CACNA2D4: variants seen among roughly 807,000 people sequenced by gnomAD.
CACNA2D4 encodes the protein calcium voltage-gated channel auxiliary subunit alpha2delta 4.
A neutral mutation model predicts 163.8 loss-of-function variants in CACNA2D4; 157 were observed. That is an observed-to-expected ratio of 0.96 (90% CI 0.84 to 1.09). The LOEUF (loss-of-function observed/expected upper bound fraction) is 1.09, where lower values mean the gene tolerates loss of function less well. Ranked by LOEUF, CACNA2D4 falls within the 50% of genes least tolerant of loss-of-function variation. The pLI is 0.00. For synonymous variants in CACNA2D4, 598 were observed against 586.9 expected (o/e 1.02, Z -0.27); for missense variants, 1,410 against 1,479.9 (o/e 0.95, Z 0.78).
chr12:1,801,138 T>A lies in CACNA2D4; in HGVS notation c.2793-20A>T, dbSNP rs776161198. On this transcript the variant is annotated intron_variant, in intron 30 of 37. Transcript: ENST00000382722. ...GTCACTCTGAAAATCAGAAGCGGGC[T>A]GTGATGAGTCCAAAGCCACCCCCAC... The A allele has an allele frequency of 6.2e-7, 1 of 1,611,238 alleles. No homozygotes were observed. Among genetic ancestry groups the A allele is most frequent in the Non-Finnish European group, 8.5e-7 (1 of 1,177,400 alleles).
In CACNA2D4 at chr12:1,801,513, T is replaced by G. The variant is rs1334268331; in HGVS notation, c.2792+61A>C. 3 of 1,330,060 alleles carry G rather than the reference T, an allele frequency of 2.3e-6. No homozygotes were observed. The African/African-American group carries it at 4.4e-5, about 19-fold the overall frequency. The allele number at this position is 1,330,060 out of a possible 1,614,324, so 82.4% of individuals were successfully genotyped here. On this transcript the variant is annotated intron_variant, in intron 30 of 37. Coordinates refer to ENST00000382722, the MANE Select transcript of CACNA2D4 (RefSeq NM_172364.5). Reference sequence around the variant, plus strand: ...GGATCCTGAGATCCGCCAGGACCACTTAGCGTCAGCTCTCGGTTTGCTGTG... The same window carrying G: ...GGATCCTGAGATCCGCCAGGACCACGTAGCGTCAGCTCTCGGTTTGCTGTG...
rs1863040734 is a variant in CACNA2D4, at chr12:1,793,843, C to T, written c.3310-84G>A. On this transcript the variant is annotated intron_variant, in intron 37 of 37. Transcript: ENST00000382722. ...AGGGGCTTCCACCACTAATTTGGGCCAAAATCCTGGGGAAAGGGGAGTTTT... is the reference window on the plus strand; with the variant it reads ...AGGGGCTTCCACCACTAATTTGGGCTAAAATCCTGGGGAAAGGGGAGTTTT... 22 of 1,143,406 alleles carry T rather than the reference C, an allele frequency of 1.9e-5. No individual in the cohort carries two copies. The South Asian group carries it at 2.9e-4, about 15-fold the overall frequency. The allele number at this position is 1,143,406 out of a possible 1,614,324, so 70.8% of individuals were successfully genotyped here. A position where few individuals can be genotyped will look rare whatever the true frequency, so the allele number is the denominator to read the frequency against.
rs1388661372 is a variant in CACNA2D4, at chr12:1,828,196, G to A, written c.2551+12543C>T. On this transcript the variant is annotated intron_variant, in intron 26 of 37. Coordinates refer to ENST00000382722, the MANE Select transcript of CACNA2D4 (RefSeq NM_172364.5). The surrounding 1 kb of genome is among the most constrained non-coding windows in gnomAD (Gnocchi z 4.2). ...CTGGGCAGAGGGGCAGGCTCGCCCT[G>A]CAGTGGAGGCAAGTCTCCTGTGAGT... 3 of 1,546,816 alleles carry A rather than the reference G, an allele frequency of 1.9e-6. No homozygotes were observed. In the Admixed American group the frequency reaches 5.9e-5, roughly 31 times the overall value.
chr12:1,798,877 C>A lies in CACNA2D4; in HGVS notation c.2995+798G>T, dbSNP rs1196195716. Among the ~76,000 whole-genome samples, 2 of 152,170 alleles carry A rather than the reference C, an allele frequency of 1.3e-5. No homozygotes were observed. Among genetic ancestry groups the A allele is most frequent in the Non-Finnish European group, 2.9e-5 (2 of 68,026 alleles). ...GCCCCACCCGATCGCGGATGTGAGT[C>A]CAGAAGGAGTCTGGAGACACAGCCC... On this transcript the variant is annotated intron_variant, in intron 34 of 37. Transcript: ENST00000382722. This position sits in a 1 kb window ranked among gnomAD's most constrained non-coding sequence, Gnocchi z 4.3.
intron 18 of CACNA2D4, among the ~76,000 whole-genome samples, chr12:1,873,672 T>C (rs1277595537): frequency 6.6e-6 from 1 of 152,190 alleles, no homozygotes; most frequent in Non-Finnish European, 1.5e-5. Flanking sequence ...GGTGGGTGCC[T>C]GTGGAAGAAG....
intron 32 of CACNA2D4, 53 bp downstream of exon 32, chr12:1,800,333 T>C: frequency 6.3e-7 from 1 of 1,591,984 alleles, no homozygotes; most frequent in Non-Finnish European, 8.6e-7. Flanking sequence ...GACACCCTCC[T>C]AAGCCACCCT....
chr12:1,841,866 A>G (rs896712559), intron 25 of CACNA2D4, among the ~76,000 whole-genome samples: 1 of 152,190 alleles, frequency 6.6e-6, no homozygotes, highest in African/African-American at 2.4e-5. Context: ...CAAGAAACCT[A>G]AAACTGCAGT....
intron 9 of CACNA2D4, 74 bp downstream of exon 9, chr12:1,885,891 G>T: frequency 9.3e-7 from 1 of 1,076,056 alleles, no homozygotes; most frequent in Non-Finnish European, 1.4e-6. Flanking sequence ...CACAGAAACA[G>T]TCTACAGAGA....
intron 23 of CACNA2D4, among the ~76,000 whole-genome samples, chr12:1,850,234 A>G (rs1248413595): frequency 6.6e-6 from 1 of 152,220 alleles, no homozygotes; most frequent in Non-Finnish European, 1.5e-5. Context: ...CCAACAGTGC[A>G]CACTGACAAG....
intron 22 of CACNA2D4, among the ~76,000 whole-genome samples, chr12:1,855,315 G>T (rs1865375624): frequency 6.6e-6 from 1 of 152,156 alleles, no homozygotes; most frequent in Non-Finnish European, 1.5e-5. Context: ...TGCCCTGTTG[G>T]GTTGGCATGG....
intron 22 of CACNA2D4, 43 bp downstream of exon 22, chr12:1,855,969 G>T: frequency 6.7e-7 from 1 of 1,487,312 alleles, no homozygotes; most frequent in Non-Finnish European, 9.4e-7. Context: ...GAACTTCAGG[G>T]CCCCAGAGGA....
chr12:1,795,745 A>T lies in CACNA2D4; in HGVS notation c.3149T>A (p.Leu1050His), dbSNP rs1218129777. 2 of 1,613,288 alleles carry T rather than the reference A, an allele frequency of 1.2e-6. No homozygotes were observed. The highest frequency in any genetic ancestry group is 1.3e-5 in the African/African-American group (1 of 74,920). Residue 1050 changes from leucine to histidine, a missense_variant, in exon 36 of 38, where the codon CTC becomes CAC. By Grantham distance (99) the Leu-to-His change is moderately conservative. Coordinates refer to ENST00000382722, the MANE Select transcript of CACNA2D4 (RefSeq NM_172364.5). ...FVVQQIPNSN[L>H]LLLVTDPTCD... ...GGTGGGGTCTGTCACCAGGAGGAGG[A>T]GGTTACTGTTGGGAATCTGCTGCAC... is the stretch of plus-strand genomic sequence containing the variant.
chr12:1,799,957 C>T lies in CACNA2D4; in HGVS notation c.2974+43G>A. On this transcript the variant is annotated intron_variant, in intron 33 of 37. Transcript: ENST00000382722. This position sits in a 1 kb window ranked among gnomAD's most constrained non-coding sequence, Gnocchi z 4.7. ...GGTCTCACGTTAGTGGACCAAAATG[C>T]CACTGCTCTTCAGCACATGGCCCTG... 1 of 1,578,350 alleles carries T rather than the reference C, an allele frequency of 6.3e-7. No homozygotes were observed. The highest frequency in any genetic ancestry group is 1.8e-5 in the Admixed American group (1 of 55,590).
At chr12:1,801,414 A>C (rs1863322467) in intron 30 of CACNA2D4, among the ~76,000 whole-genome samples, 160 bp downstream of exon 30, 1 of 152,076 alleles carries the variant, frequency 6.6e-6, no homozygotes, top group African/African-American at 2.4e-5. Flanking sequence ...TCCCCACATC[A>C]TGCTGACGCC....
Position 1,884,236 on chromosome 12 carries a change from C to T in CACNA2D4, c.1351+7G>A, listed in dbSNP as rs1866077918. 1 of 1,610,684 alleles carries T rather than the reference C, an allele frequency of 6.2e-7. No individual in the cohort carries two copies. Among genetic ancestry groups the T allele is most frequent in the East Asian group, 2.2e-5 (1 of 44,856 alleles). ...GGTGGGAAGGTACCTGCTGGCCCGG[C>T]ACTCACCTTTGTTGTTGCATGCAAT... On this transcript the variant is annotated splice_region_variant and intron_variant, in intron 12 of 37. Coordinates refer to ENST00000382722, the MANE Select transcript of CACNA2D4 (RefSeq NM_172364.5).
At chr12:1,896,643 ACACACAC>A (rs1565734726) in intron 6 of CACNA2D4, among the ~76,000 whole-genome samples, 1 of 148,232 alleles carries the variant, frequency 6.7e-6, no homozygotes, top group African/African-American at 2.6e-5. Flanking sequence ...ACACACACAC[ACACACAC>A]ACACAAAACA....
Position 1,914,957 on chromosome 12 carries a change from C to T in CACNA2D4, c.228-22G>A, listed in dbSNP as rs371036974. On this transcript the variant is annotated intron_variant, in intron 1 of 37. Transcript: ENST00000382722. Reference sequence around the variant, plus strand: ...CACTCTGCCAGGCAATGAAAGGACACGCGTATACACACACGTACACGCACA... The same window carrying T: ...CACTCTGCCAGGCAATGAAAGGACATGCGTATACACACACGTACACGCACA... The T allele has an allele frequency of 3.2e-5, 50 of 1,550,158 alleles. No homozygotes were observed. In the African/African-American group the frequency reaches 5.3e-4, roughly 16 times the overall value.
intron 37 of CACNA2D4, 30 bp from the exon 38 acceptor site, chr12:1,793,789 G>T: frequency 6.3e-7 from 1 of 1,578,454 alleles, no homozygotes; most frequent in African/African-American, 1.3e-5. Context: ...GTGACAGCGC[G>T]GCGCTCAGAG....
At chr12:1,877,903 G>A (rs999513910) in intron 16 of CACNA2D4, among the ~76,000 whole-genome samples, 12 of 152,312 alleles carry the variant, frequency 7.9e-5, no homozygotes, top group Non-Finnish European at 1.8e-4. Context: ...GGCTGGGAGG[G>A]CCAGGAGCAC....
Sources: gnomAD v4.1 joint callset for allele counts (sites outside exome capture counted in the v4.1 genomes callset) on GRCh38, gnomAD v4.1.1 for gene constraint, Gnocchi (gnomAD v3.1) non-coding constraint, MANE v1.5 for transcripts, NCBI Gene and HGNC (gene_info 2026-07-23, HGNC 2026-07-21) for gene names.